Variants in KANSL1L observed in about 807,000 individuals in gnomAD.
KANSL1L encodes the protein KAT8 regulatory NSL complex subunit 1 like.
In KANSL1L, 25 loss-of-function variants were observed where a neutral mutation model predicts 108.6. That is an observed-to-expected ratio of 0.23 (90% CI 0.17 to 0.32). The LOEUF (loss-of-function observed/expected upper bound fraction) is 0.32, where lower values mean the gene tolerates loss of function less well. Among genes scored for constraint, KANSL1L ranks in the 10% least tolerant of loss-of-function variants. The pLI, the probability that KANSL1L is intolerant of heterozygous loss-of-function variation, is 1.00. For missense variants in KANSL1L, 1,137 were observed against 1,125.7 expected, an observed-to-expected ratio of 1.01 and a Z score of -0.14; for synonymous variants, 405 against 395.1, an observed-to-expected ratio of 1.03 and a Z score of -0.30.
chr2:210,144,737 CCTCT>C (rs756676416), intron 2 of KANSL1L, among the ~76,000 whole-genome samples: 1 of 152,020 alleles, frequency 6.6e-6, no homozygotes, highest in Non-Finnish European at 1.5e-5. Flanking sequence ...TTGAATTGCC[CCTCT>C]GTGTTCTCTG....
chr2:210,065,216 C>T (rs575207777), intron 6 of KANSL1L, among the ~76,000 whole-genome samples: 40 of 141,532 alleles, frequency 2.8e-4, no homozygotes, highest in African/African-American at 9.4e-4. Flanking sequence ...CACTTGACCT[C>T]GGAGGCGGAG....
intron 10 of KANSL1L, 52 bp downstream of exon 10, chr2:210,029,751 G>A: frequency 1.2e-6 from 1 of 854,234 alleles, no homozygotes; most frequent in South Asian, 1.6e-5. Flanking sequence ...TTCAAAATCA[G>A]GTGTTTTTAT....
chr2:210,110,463 C>T (rs2094892910), intron 3 of KANSL1L, among the ~76,000 whole-genome samples: 1 of 152,054 alleles, frequency 6.6e-6, no homozygotes, highest in Non-Finnish European at 1.5e-5. Context: ...TGTTTTTAAA[C>T]AGGTTTGAAA....
intron 6 of KANSL1L, among the ~76,000 whole-genome samples, chr2:210,075,208 A>C (rs927833909): frequency 5.9e-5 from 9 of 152,190 alleles, no homozygotes; most frequent in African/African-American, 2.2e-4. Flanking sequence ...TTTATGGACA[A>C]ATATGTAGTA....
At chr2:210,079,648 A>ATATATATATATATGTATGTG (rs2094570763) in intron 5 of KANSL1L, among the ~76,000 whole-genome samples, 4 of 15,216 alleles carry the variant, frequency 2.6e-4, no homozygotes, top group Non-Finnish European at 4.8e-4. Context: ...ATATATATAT[A>ATATATATATATATGTATGTG]TATATATATA....
chr2:210,169,873 A>G (rs1430749683), intron 1 of KANSL1L, among the ~76,000 whole-genome samples: 1 of 152,238 alleles, frequency 6.6e-6, no homozygotes, highest in East Asian at 1.9e-4. Flanking sequence ...CACTTTTGTT[A>G]TAAAAATAAC....
chr2:210,109,387 T>C (rs1482844954), intron 3 of KANSL1L, among the ~76,000 whole-genome samples: 1 of 152,118 alleles, frequency 6.6e-6, no homozygotes, highest in African/African-American at 2.4e-5. Context: ...TTCTCAGCTT[T>C]TTCCTTTTCA....
Position 210,153,823 on chromosome 2 carries a change from C to A in KANSL1L, c.760G>T (p.Val254Phe), listed in dbSNP as rs374065460. 1.9e-6 allele frequency: 3 copies of A among 1,613,090 alleles called. No individual in the cohort carries two copies. Among genetic ancestry groups the A allele is most frequent in the Non-Finnish European group, 2.5e-6 (3 of 1,179,778 alleles). The part of the protein sequence containing the change: ...HLQMLLAKHV[V>F]KHYGQQMKLS... ...TTCATCTGCTGACCATAGTGCTTAA[C>A]AACATGCTTTGCCAGGAGCATCTGC... The change falls in exon 2 of 15, where the codon GTT (valine) becomes TTT (phenylalanine). Residue 254 changes from valine (V) to phenylalanine (F), a missense_variant. Physicochemically the swap from Val to Phe is conservative, Grantham distance 50. Transcript: ENST00000281772.
intron 5 of KANSL1L, among the ~76,000 whole-genome samples, chr2:210,079,642 A>ATATATATATATATATATATG (rs2094569617): frequency 1.5e-4 from 1 of 6,484 alleles, no homozygotes; most frequent in African/African-American, 2.2e-4. Context: ...ATATATATAT[A>ATATATATATATATATATATG]TATATATATA....
Position 210,040,466 on chromosome 2 carries a change from A to C in KANSL1L, c.1983T>G (p.Leu661=), listed in dbSNP as rs771247558. The C allele has an allele frequency of 6.4e-7, 1 of 1,570,220 alleles. No homozygotes were observed. Among genetic ancestry groups the C allele is most frequent in the South Asian group, 1.1e-5 (1 of 88,232 alleles). The change falls in exon 8 of 15, where the codon CTT becomes CTG. Residue 661 remains leucine (L), a synonymous_variant. Coordinates refer to ENST00000281772, the MANE Select transcript of KANSL1L (RefSeq NM_152519.4). ...ATTCATCTACAAATTTATTTTCAGC[A>C]AGATTGCCTTTTATTTCAGTCTTTT... The part of the protein sequence containing the change: ...LLKKTEIKGN[L]AENKFVDEYI...
At position 210,029,791 on chromosome 2, in the gene KANSL1L, G is replaced by A. The variant is rs778280201; in HGVS notation, c.2271+12C>T. On this transcript the variant is annotated intron_variant, in intron 10 of 14. Coordinates refer to ENST00000281772, the MANE Select transcript of KANSL1L (RefSeq NM_152519.4). ...AAAGCTATTTTAGAGTTCAACATATGGAAAAACCTACTCGTGATGAATTCT... is the reference window on the plus strand; with the variant it reads ...AAAGCTATTTTAGAGTTCAACATATAGAAAAACCTACTCGTGATGAATTCT... The A allele has an allele frequency of 1.0e-5, 14 of 1,380,216 alleles. No individual in the cohort carries two copies. Among genetic ancestry groups the A allele is most frequent in the Non-Finnish European group, 1.3e-5 (13 of 983,058 alleles). 85.5% of individuals were successfully genotyped at this position (1,380,216 alleles called of 1,614,324 possible).
intron 3 of KANSL1L, among the ~76,000 whole-genome samples, chr2:210,118,174 A>AG (rs2094974650): frequency 6.7e-6 from 1 of 149,850 alleles, no homozygotes; most frequent in Non-Finnish European, 1.5e-5. Context: ...CTCAAAAAAA[A>AG]AAAAAAGGAG....
intron 2 of KANSL1L, among the ~76,000 whole-genome samples, chr2:210,136,220 T>G (rs2095172573): frequency 1.3e-5 from 2 of 152,232 alleles, no homozygotes; most frequent in South Asian, 4.1e-4. Context: ...TCAGTATTAA[T>G]TAAAAATAAT....
chr2:210,027,365 A>G lies in KANSL1L; in HGVS notation c.2397-15T>C. On this transcript the variant is annotated splice_polypyrimidine_tract_variant and intron_variant, in intron 11 of 14. Coordinates refer to ENST00000281772, the MANE Select transcript of KANSL1L (RefSeq NM_152519.4). ...CCATCCTCCAGCTGTTGAAGATAAA[A>G]ACCAATTTTAAACAGCTTTTATTTA... is the stretch of plus-strand genomic sequence containing the variant. 1.3e-6 allele frequency: 2 copies of G among 1,597,710 alleles called. No individual in the cohort carries two copies. Among genetic ancestry groups the G allele is most frequent in the Non-Finnish European group, 1.7e-6 (2 of 1,165,222 alleles).
In KANSL1L at chr2:210,038,553, A is replaced by G. The variant is rs114991224; in HGVS notation, c.2029+1867T>C. Among the ~76,000 whole-genome samples the G allele has an allele frequency of 5.8e-3, 875 of 152,124 alleles. 10 individuals are homozygous for G. The highest frequency in any genetic ancestry group is 0.02 in the African/African-American group (848 of 41,576). ...TATAAGCTCAGTTAATATTATTTTC[A>G]TTATTATCATCAAGTACACTTACTT... is the stretch of plus-strand genomic sequence containing the variant. On this transcript the variant is annotated intron_variant, in intron 8 of 14. Transcript: ENST00000281772.
rs57685611 is a variant in KANSL1L at position 210,086,491 on chromosome 2, T to TA, written c.1551-10736dup. Among the ~76,000 whole-genome samples, 666 of 141,032 alleles carry TA rather than the reference T, an allele frequency of 4.7e-3. 2 individuals are homozygous for TA. Among genetic ancestry groups the TA allele is most frequent in the African/African-American group, 0.011 (394 of 36,674 alleles). The allele number at this position is 141,032 out of a possible 152,430, so 92.5% of individuals were successfully genotyped here. A position where few individuals can be genotyped will look rare whatever the true frequency, so the allele number is the denominator to read the frequency against. The stretch of plus-strand genomic sequence containing the variant: ...ACCATACTGCCAAGATTAATAAAGC[T>TA]AAAAAAAAAAAAAACTCTTGACACT... On this transcript the variant is annotated intron_variant, in intron 5 of 14. Transcript: ENST00000281772.
chr2:210,138,604 C>T (rs1406385511), intron 2 of KANSL1L, among the ~76,000 whole-genome samples: 1 of 151,952 alleles, frequency 6.6e-6, no homozygotes, highest in Non-Finnish European at 1.5e-5. Flanking sequence ...TCTTTTTTAG[C>T]TTTATTAAGA....
chr2:210,045,761 TTCATTCTTC>T (rs2125202949), intron 6 of KANSL1L, among the ~76,000 whole-genome samples: 1 of 152,324 alleles, frequency 6.6e-6, no homozygotes, highest in African/African-American at 2.4e-5. Context: ...TAAGGATACT[TTCATTCTTC>T]TGGTTCTCAT....
chr2:210,105,286 G>T (rs907959452), intron 3 of KANSL1L, among the ~76,000 whole-genome samples: 2 of 145,868 alleles, frequency 1.4e-5, no homozygotes, highest in Non-Finnish European at 3.0e-5. Context: ...CAGATATTAT[G>T]TTATATATAT....
Sources: gnomAD v4.1 joint callset for allele counts (sites outside exome capture counted in the v4.1 genomes callset) on GRCh38, gnomAD v4.1.1 for gene constraint, MANE v1.5 for transcripts, NCBI Gene and HGNC (gene_info 2026-07-23, HGNC 2026-07-21) for gene names.